Variants in SCAMP1 observed in about 807,000 individuals in gnomAD.
SCAMP1 encodes the protein secretory carrier membrane protein 1.
In SCAMP1, 15 loss-of-function variants were observed where a neutral mutation model predicts 41.8. The ratio of observed to expected loss-of-function variants is 0.36; its 90% confidence interval spans 0.24 to 0.55. The LOEUF (loss-of-function observed/expected upper bound fraction) is 0.55. SCAMP1 is among the 20% of genes least tolerant of loss of function. The probability of loss-of-function intolerance (pLI) is 0.86; values close to 1 mark genes in which losing one functional copy is unlikely to be tolerated. For missense variants in SCAMP1, 341 were observed against 412.6 expected (o/e 0.83, Z 1.50); for synonymous variants, 135 against 136.8 (o/e 0.99, Z 0.09).
chr5:78,394,440 C>T (rs1009110500), intron 2 of SCAMP1, among the ~76,000 whole-genome samples: 6 of 152,014 alleles, frequency 3.9e-5, no homozygotes, highest in African/African-American at 1.5e-4. Context: ...CCAGGCTGGT[C>T]TCAAACTCCT....
intron 1 of SCAMP1, among the ~76,000 whole-genome samples, chr5:78,377,747 G>A (rs1413827509): frequency 6.6e-6 from 1 of 152,176 alleles, no homozygotes; most frequent in Non-Finnish European, 1.5e-5. Context: ...TTAACTTACT[G>A]TTGGTGGTAA....
intron 6 of SCAMP1, among the ~76,000 whole-genome samples, chr5:78,439,824 C>G (rs1337454592): frequency 1.3e-5 from 2 of 152,154 alleles, no homozygotes; most frequent in Non-Finnish European, 2.9e-5. Flanking sequence ...CAACTTGGTT[C>G]CATTTTCCCC....
intron 2 of SCAMP1, among the ~76,000 whole-genome samples, chr5:78,397,864 A>T (rs1751690846): frequency 6.6e-6 from 1 of 152,254 alleles, no homozygotes; most frequent in Non-Finnish European, 1.5e-5. Context: ...CAACATTGTT[A>T]GCTGTCAAGA....
chr5:78,427,822 T>C (rs924945017), intron 6 of SCAMP1, among the ~76,000 whole-genome samples: 1 of 150,830 alleles, frequency 6.6e-6, no homozygotes, highest in Non-Finnish European at 1.5e-5. Flanking sequence ...TTATTAGACG[T>C]GTGTCTTTTT....
intron 7 of SCAMP1, among the ~76,000 whole-genome samples, chr5:78,452,116 T>C (rs1438090607): frequency 2.0e-5 from 3 of 152,216 alleles, no homozygotes; most frequent in Admixed American, 1.3e-4. Flanking sequence ...TAATTTTCAT[T>C]TCTCTGGGAT....
At chr5:78,461,861 A>G (rs1186511533) in intron 8 of SCAMP1, among the ~76,000 whole-genome samples, 2 of 152,070 alleles carry the variant, frequency 1.3e-5, no homozygotes, top group Admixed American at 6.6e-5. Context: ...ACTGTGCACT[A>G]TAGTTTGAAG....
At chr5:78,431,449 T>A (rs963441510) in intron 6 of SCAMP1, among the ~76,000 whole-genome samples, 3 of 151,618 alleles carry the variant, frequency 2.0e-5, no homozygotes, top group African/African-American at 4.8e-5. Context: ...TATAATTACT[T>A]ATCTGCTTGG....
At chr5:78,463,082 C>T (rs1280690151) in intron 8 of SCAMP1, among the ~76,000 whole-genome samples, 8 of 152,316 alleles carry the variant, frequency 5.3e-5, no homozygotes, top group Non-Finnish European at 1.0e-4. Flanking sequence ...CAAAACCCTA[C>T]GAAGGTTAGA....
chr5:78,453,037 T>C (rs1237941589), intron 7 of SCAMP1, among the ~76,000 whole-genome samples: 1 of 147,792 alleles, frequency 6.8e-6, no homozygotes. Flanking sequence ...GGGTTGTTTG[T>C]TTTTTTCTTG....
intron 6 of SCAMP1, among the ~76,000 whole-genome samples, chr5:78,431,997 A>T (rs1232284330): frequency 2.0e-5 from 3 of 152,074 alleles, no homozygotes; most frequent in South Asian, 2.1e-4. Context: ...TAGTTATTTT[A>T]AAATCTACAA....
At chr5:78,457,539 C>G (rs368027194) in intron 7 of SCAMP1, among the ~76,000 whole-genome samples, 6 of 152,264 alleles carry the variant, frequency 3.9e-5, no homozygotes, top group Admixed American at 2.0e-4. Flanking sequence ...GCAGTCTGCC[C>G]GTTCTCAGAT....
chr5:78,457,467 G>A (rs1187346070), intron 7 of SCAMP1, among the ~76,000 whole-genome samples: 2 of 152,110 alleles, frequency 1.3e-5, no homozygotes, highest in Non-Finnish European at 2.9e-5. Flanking sequence ...GTGTGCCCCT[G>A]CTGGGGGGTG....
chr5:78,399,523 T>C (rs1240588492), intron 2 of SCAMP1, among the ~76,000 whole-genome samples: 3 of 152,230 alleles, frequency 2.0e-5, no homozygotes, highest in Non-Finnish European at 4.4e-5. Context: ...AATTGGTGTG[T>C]AGTGGTGTCA....
intron 1 of SCAMP1, among the ~76,000 whole-genome samples, chr5:78,377,565 A>G (rs1036509488): frequency 4.6e-5 from 7 of 152,192 alleles, no homozygotes; most frequent in African/African-American, 1.4e-4. Context: ...AGCCAAGTTA[A>G]TAGGGTCACG....
chr5:78,459,350 T>C lies in SCAMP1; in HGVS notation c.840T>C (p.Val280=), dbSNP rs764176681. 6.6e-7 allele frequency: 1 copy of C among 1,524,362 alleles called. No individual in the cohort carries two copies. The highest frequency in any genetic ancestry group is 1.7e-5 in the Admixed American group (1 of 57,534). 94.4% of individuals were successfully genotyped at this position (1,524,362 alleles called of 1,614,324 possible). Residue 280 remains valine, a synonymous_variant, in exon 8 of 9, where the codon GTT becomes GTC. Transcript: ENST00000621999. ...CAGCATCAGCAGTCATCTCACTAGTTATGTTCAAAAAAGTAAGTGAAATTT... is the reference window on the plus strand; with the variant it reads ...CAGCATCAGCAGTCATCTCACTAGTCATGTTCAAAAAAGTAAGTGAAATTT... ...LFTASAVISL[V]MFKKVHGLYR...
At chr5:78,431,663 C>A (rs1322201601) in intron 6 of SCAMP1, among the ~76,000 whole-genome samples, 1 of 150,278 alleles carries the variant, frequency 6.7e-6, no homozygotes, top group Non-Finnish European at 1.5e-5. Flanking sequence ...TGTCTCTAAT[C>A]ATAGTCTCTG....
At chr5:78,415,872 C>T (rs1752197337) in intron 3 of SCAMP1, among the ~76,000 whole-genome samples, 1 of 151,830 alleles carries the variant, frequency 6.6e-6, no homozygotes, top group African/African-American at 2.4e-5. Context: ...TTTTTATTGC[C>T]TTTGGTCCCA....
At chr5:78,445,132 A>G (rs1453558112) in intron 6 of SCAMP1, among the ~76,000 whole-genome samples, 6 of 152,216 alleles carry the variant, frequency 3.9e-5, no homozygotes, top group Admixed American at 3.3e-4. Flanking sequence ...GTTGTAATTA[A>G]TATCTCTGGT....
At position 78,425,778 on chromosome 5, in the gene SCAMP1, A is replaced by ATTTAT. The variant is rs368071734; in HGVS notation, c.632+3833_632+3837dup. On this transcript the variant is annotated intron_variant, in intron 6 of 8. Transcript: ENST00000621999. ...CCCACTCTTATGGGAAAATTCAATG[A>ATTTAT]TTTATTTTATTTTATTTTACTTTAA... Among the ~76,000 whole-genome samples, 1,023 of 152,126 alleles carry ATTTAT rather than the reference A, an allele frequency of 6.7e-3. 7 individuals are homozygous for ATTTAT. Among genetic ancestry groups the ATTTAT allele is most frequent in the African/African-American group, 0.023 (971 of 41,484 alleles).
Sources: allele counts gnomAD v4.1 joint callset (sites outside exome capture counted in the v4.1 genomes callset), GRCh38; gene constraint gnomAD v4.1.1; transcripts MANE v1.5; gene names NCBI Gene and HGNC (gene_info 2026-07-23, HGNC 2026-07-21).